The following CASZ1 variants were observed in gnomAD, a reference collection of about 807,000 sequenced individuals.
CASZ1 encodes the protein castor zinc finger 1.
A neutral mutation model predicts 135.2 loss-of-function variants in CASZ1; 28 were observed. The ratio of observed to expected loss-of-function variants is 0.21; its 90% confidence interval spans 0.15 to 0.28. The LOEUF is 0.28. Among genes scored for constraint, CASZ1 ranks in the 10% least tolerant of loss-of-function variants. The pLI, the probability that CASZ1 is intolerant of heterozygous loss-of-function variation, is 1.00. For synonymous variants in CASZ1, 1,068 were observed against 1,073.4 expected (o/e 0.99, Z 0.10); for missense variants, 2,161 against 2,453.3 (o/e 0.88, Z 2.52).
At position 10,756,442 on chromosome 1, in the gene CASZ1, C is replaced by T. The variant is rs753817446; in HGVS notation, c.-77+4259G>A. ...CGTTGCCAGCAAGGGCAAGTGCTCA[C>T]GCGAGCCCGGCAGCCGGCTGTGACA... On this transcript the variant is annotated intron_variant, in intron 2 of 20. Coordinates refer to ENST00000377022, the MANE Select transcript of CASZ1 (RefSeq NM_001079843.3). This position sits in a 1 kb window ranked among gnomAD's most constrained non-coding sequence, Gnocchi z 5.9. Among the ~76,000 whole-genome samples, 22 of 152,358 alleles carry T rather than the reference C, an allele frequency of 1.4e-4. No homozygotes were observed. The highest frequency in any genetic ancestry group is 1.6e-4 in the Non-Finnish European group (11 of 68,036).
intron 4 of CASZ1, among the ~76,000 whole-genome samples, chr1:10,675,790 T>TG (rs1399407701): frequency 2.3e-4 from 23 of 98,112 alleles, no homozygotes; most frequent in African/African-American, 3.9e-4. Context: ...GCCTAGCACA[T>TG]GACCCCCCCC....
In CASZ1 at chr1:10,676,591, C is replaced by A. The variant is rs967099991; in HGVS notation, c.17-11020G>T. Reference sequence around the variant, plus strand: ...CCATCTCTCTCTGTGCCTCGGTGGACCAACCTGCCTAGGGGTGCCCTGGGA... The same window carrying A: ...CCATCTCTCTCTGTGCCTCGGTGGAACAACCTGCCTAGGGGTGCCCTGGGA... On this transcript the variant is annotated intron_variant, in intron 4 of 20. Transcript: ENST00000377022. This position sits in a 1 kb window ranked among gnomAD's most constrained non-coding sequence, Gnocchi z 4.5. 4.6e-5 allele frequency among the ~76,000 whole-genome samples: 7 copies of A among 152,134 alleles called. No individual in the cohort carries two copies. Among genetic ancestry groups the A allele is most frequent in the African/African-American group, 1.7e-4 (7 of 41,408 alleles).
chr1:10,790,580 T>C (rs138073823), intron 1 of CASZ1, among the ~76,000 whole-genome samples: 3 of 152,306 alleles, frequency 2.0e-5, no homozygotes, highest in African/African-American at 7.2e-5. Context: ...AGAAACAAGA[T>C]ACCAAATAAA....
intron 2 of CASZ1, among the ~76,000 whole-genome samples, chr1:10,736,721 C>A (rs1016034062): frequency 6.6e-6 from 1 of 152,218 alleles, no homozygotes; most frequent in Non-Finnish European, 1.5e-5. Flanking sequence ...GAAATAAGGA[C>A]GAGTGAACCA....
rs577370780 is a variant in CASZ1, at chr1:10,649,552, C to G, written c.2881-115G>C. ...CTGGGACCCACCCAGCCCTCAGAGC[C>G]AGCAGAGAATGCGGCCCGCCTACTT... On this transcript the variant is annotated intron_variant, in intron 13 of 20. Coordinates refer to ENST00000377022, the MANE Select transcript of CASZ1 (RefSeq NM_001079843.3). The G allele has an allele frequency of 6.4e-6, 8 of 1,245,736 alleles. No individual in the cohort carries two copies. In the Admixed American group the frequency reaches 1.9e-4, roughly 29 times the overall value. The allele number at this position is 1,245,736 out of a possible 1,614,324, so 77.2% of individuals were successfully genotyped here.
Position 10,720,161 on chromosome 1 carries a change from T to C in CASZ1, c.-76-14617A>G, listed in dbSNP as rs1221878409. Among the ~76,000 whole-genome samples, 2 of 152,182 alleles carry C rather than the reference T, an allele frequency of 1.3e-5. No homozygotes were observed. Among genetic ancestry groups the C allele is most frequent in the African/African-American group, 4.8e-5 (2 of 41,440 alleles). ...CTGGCCTCTCCGAGGTTCAATTTCC[T>C]TGTCTATAAAATGCACGCGATGATC... On this transcript the variant is annotated intron_variant, in intron 2 of 20. Transcript: ENST00000377022. This position sits in a 1 kb window ranked among gnomAD's most constrained non-coding sequence, Gnocchi z 5.7.
Position 10,727,684 on chromosome 1 carries a change from TAGG to T in CASZ1, c.-76-22143_-76-22141del, listed in dbSNP as rs1348433287. Among the ~76,000 whole-genome samples the T allele has an allele frequency of 1.3e-5, 2 of 152,178 alleles. No individual in the cohort carries two copies. The highest frequency in any genetic ancestry group is 2.9e-5 in the Non-Finnish European group (2 of 68,014). On this transcript the variant is annotated intron_variant, in intron 2 of 20. Coordinates refer to ENST00000377022, the MANE Select transcript of CASZ1 (RefSeq NM_001079843.3). The surrounding 1 kb of genome is among the most constrained non-coding windows in gnomAD (Gnocchi z 5.3). The stretch of plus-strand genomic sequence containing the variant: ...CCAGGAAGAAAAAGTGTCTGCACCC[TAGG>T]GTTCAGGGTGCTAGGAAGCAAAAGT...
rs769660473 is a variant in CASZ1 at position 10,651,039 on chromosome 1, C to G, written c.2718G>C (p.Pro906=). ...GQQVTPARFP[P]AQVKPEPGES... ...CACCGGGTTCCGGCTTCACTTGGGC[C>G]GGGGGGAACCTGGCTGGGGTGACCT... is the stretch of plus-strand genomic sequence containing the variant. Residue 906 remains proline, a synonymous_variant, in exon 12 of 21, where the codon CCG becomes CCC. Coordinates refer to ENST00000377022, the MANE Select transcript of CASZ1 (RefSeq NM_001079843.3). The G allele has an allele frequency of 6.4e-7, 1 of 1,550,866 alleles. No individual in the cohort carries two copies. Among genetic ancestry groups the G allele is most frequent in the South Asian group, 1.2e-5 (1 of 81,622 alleles).
At chr1:10,671,678 A>T (rs1256755674) in intron 4 of CASZ1, among the ~76,000 whole-genome samples, 2 of 152,106 alleles carry the variant, frequency 1.3e-5, no homozygotes, top group Non-Finnish European at 2.9e-5. Flanking sequence ...AGGGGGGTGG[A>T]GCCTGGAAAA....
chr1:10,690,763 G>T lies in CASZ1; in HGVS notation c.16+3111C>A, dbSNP rs61776331. Among the ~76,000 whole-genome samples, 599 of 152,274 alleles carry T rather than the reference G, an allele frequency of 3.9e-3. 4 individuals are homozygous for T. The highest frequency in any genetic ancestry group is 0.014 in the African/African-American group (563 of 41,544). ...TTGTAGAGCCTATCTTGGCTCCTCC[G>T]CGCCTTGGACAGCCCCACCCCTTTG... On this transcript the variant is annotated intron_variant, in intron 4 of 20. Coordinates refer to ENST00000377022, the MANE Select transcript of CASZ1 (RefSeq NM_001079843.3).
chr1:10,650,776 G>A (rs773297996), intron 12 of CASZ1, 21 bp from the exon 13 acceptor site: 5 of 1,608,222 alleles, frequency 3.1e-6, no homozygotes, highest in Middle Eastern at 3.3e-4. Context: ...CAAACCAAGG[G>A]ACTTGAGCTC....
chr1:10,659,605 G>A, intron 6 of CASZ1, 97 bp downstream of exon 6: 1 of 916,432 alleles, frequency 1.1e-6, no homozygotes. Flanking sequence ...GTGAGCGGCA[G>A]GTGTGTCCTC....
intron 1 of CASZ1, among the ~76,000 whole-genome samples, chr1:10,791,040 C>T (rs1640947851): frequency 6.7e-6 from 1 of 149,784 alleles, no homozygotes; most frequent in African/African-American, 2.5e-5. Context: ...GGGAGATGTG[C>T]CATCTATATA....
At chr1:10,651,198 C>T in intron 11 of CASZ1, 122 bp from the exon 12 acceptor site, 2 of 705,658 alleles carry the variant, frequency 2.8e-6, no homozygotes, top group Non-Finnish European at 2.1e-6. Context: ...CTGGTCAGCG[C>T]TTCTCCCGCT....
In CASZ1 at chr1:10,757,096, G is replaced by A. The variant is rs1382745409; in HGVS notation, c.-77+3605C>T. ...GTGTCGGAGAGAAGCAGTTCCCTCC[G>A]CAAGGAGCCCGACCCACTCAAACGA... On this transcript the variant is annotated intron_variant, in intron 2 of 20. Transcript: ENST00000377022. The surrounding 1 kb of genome is among the most constrained non-coding windows in gnomAD (Gnocchi z 4.6). Among the ~76,000 whole-genome samples the A allele has an allele frequency of 1.3e-5, 2 of 152,110 alleles. No homozygotes were observed. Among genetic ancestry groups the A allele is most frequent in the Non-Finnish European group, 2.9e-5 (2 of 68,032 alleles).
chr1:10,639,982 T>G lies in CASZ1; in HGVS notation c.4240A>C (p.Lys1414Gln). Reference sequence around the variant, plus strand: ...CGGGAGGACGCCGTCTTCCGCCGCTTGCCGAAGGGCGACATGTCCTCGATG... The same window carrying G: ...CGGGAGGACGCCGTCTTCCGCCGCTGGCCGAAGGGCGACATGTCCTCGATG... Reference protein sequence around the residue: ...WIIEDMSPFGKRRKTASSRKM... With the variant: ...WIIEDMSPFGQRRKTASSRKM... The change falls in exon 21 of 21, where the codon AAG becomes CAG. Residue 1414 changes from lysine to glutamine, a missense_variant. By Grantham distance (53) the Lys-to-Gln change is moderately conservative (BLOSUM62 1). Transcript: ENST00000377022. This position sits in a 1 kb window ranked among gnomAD's most constrained non-coding sequence, Gnocchi z 4.0. The G allele has an allele frequency of 6.2e-7, 1 of 1,612,796 alleles. No homozygotes were observed. The highest frequency in any genetic ancestry group is 8.5e-7 in the Non-Finnish European group (1 of 1,180,012).
chr1:10,680,919 G>A (rs1032634447), intron 4 of CASZ1, among the ~76,000 whole-genome samples: 1 of 151,928 alleles, frequency 6.6e-6, no homozygotes, highest in Non-Finnish European at 1.5e-5. Flanking sequence ...CTTTTTTTTG[G>A]AGACAGGGTC....
intron 8 of CASZ1, 117 bp downstream of exon 8, chr1:10,656,529 T>A: frequency 1.3e-6 from 1 of 744,668 alleles, no homozygotes; most frequent in South Asian, 1.6e-5. Context: ...TCAAGTCAAG[T>A]TTGGGTGGTG....
chr1:10,677,687 G>A (rs1031262782), intron 4 of CASZ1, among the ~76,000 whole-genome samples: 1 of 152,230 alleles, frequency 6.6e-6, no homozygotes, highest in Non-Finnish European at 1.5e-5. Flanking sequence ...CAGATCCAGG[G>A]GCCCAGTTCC....
Sources: gnomAD v4.1 joint callset for allele counts (sites outside exome capture counted in the v4.1 genomes callset) on GRCh38, gnomAD v4.1.1 for gene constraint, Gnocchi (gnomAD v3.1) non-coding constraint, MANE v1.5 for transcripts, NCBI Gene and HGNC (gene_info 2026-07-23, HGNC 2026-07-21) for gene names.